KPNA5: variants seen among roughly 807,000 people sequenced by gnomAD.
KPNA5 encodes the protein importin subunit alpha-6.
In KPNA5, 46 loss-of-function variants were observed where a neutral mutation model predicts 71.3. That is an observed-to-expected ratio of 0.65 (90% CI 0.51 to 0.83). The LOEUF (loss-of-function observed/expected upper bound fraction) is 0.83. Among genes scored for constraint, KPNA5 ranks in the 40% least tolerant of loss-of-function variants. KPNA5 has a pLI of 0.00. For missense variants in KPNA5, 547 were observed against 628.3 expected (o/e 0.87, Z 1.38); for synonymous variants, 207 against 201.4 (o/e 1.03, Z -0.24).
Position 116,692,339 on chromosome 6 carries a change from A to C in KPNA5, c.287A>C (p.Asn96Thr), listed in dbSNP as rs769940045. The change falls in exon 4 of 14, where the codon AAT becomes ACT. Residue 96 changes from asparagine to threonine, a missense_variant. Asn to Thr is a moderately conservative substitution (Grantham distance 65, BLOSUM62 0). Transcript: ENST00000368564. ...ATGGTTCAGATGATTTTTTCTAATA[A>C]TGCTGATCAACAGCTAACAGCAACA... is the stretch of plus-strand genomic sequence containing the variant. ...TDMVQMIFSN[N>T]ADQQLTATQK... is the part of the protein sequence containing the mutation. The C allele has an allele frequency of 3.1e-6, 5 of 1,605,950 alleles. No homozygotes were observed. The highest frequency in any genetic ancestry group is 3.4e-6 in the Non-Finnish European group (4 of 1,177,728).
intron 8 of KPNA5, among the ~76,000 whole-genome samples, chr6:116,717,017 CAA>C (rs1778911837): frequency 1.3e-5 from 2 of 151,984 alleles, no homozygotes; most frequent in African/African-American, 2.4e-5. Context: ...GACACAAACT[CAA>C]GAGTTGAGAT....
At chr6:116,707,324 C>T (rs1038165119) in intron 7 of KPNA5, among the ~76,000 whole-genome samples, 5 of 152,136 alleles carry the variant, frequency 3.3e-5, no homozygotes, top group Non-Finnish European at 7.4e-5. Context: ...AAATGTAAAT[C>T]TTTTACTACT....
intron 2 of KPNA5, among the ~76,000 whole-genome samples, chr6:116,691,334 C>T (rs1400902554): frequency 1.3e-5 from 2 of 152,102 alleles, no homozygotes; most frequent in Admixed American, 6.6e-5. Flanking sequence ...GCCCAGGTTG[C>T]CCTCCAATTC....
chr6:116,724,179 T>G, intron 9 of KPNA5, 118 bp from the exon 10 acceptor site: 1 of 610,546 alleles, frequency 1.6e-6, no homozygotes. Context: ...GAATAATTAG[T>G]AAAACTTCAA....
intron 1 of KPNA5, chr6:116,681,600 G>C: frequency 2.6e-6 from 3 of 1,140,164 alleles, no homozygotes; most frequent in Non-Finnish European, 3.3e-6. Flanking sequence ...TGGGCAGCTG[G>C]TCTCATCTTC....
At chr6:116,710,849 A>T in intron 7 of KPNA5, among the ~76,000 whole-genome samples, 1 of 135,220 alleles carries the variant, frequency 7.4e-6, no homozygotes, top group African/African-American at 2.7e-5. Flanking sequence ...CTCTACTTTC[A>T]TTCTTAATTG....
chr6:116,699,664 T>G (rs964081583), intron 5 of KPNA5, among the ~76,000 whole-genome samples: 1 of 152,186 alleles, frequency 6.6e-6, no homozygotes, highest in Admixed American at 6.6e-5. Context: ...GAGGCTACTT[T>G]AGTCATGTTA....
intron 2 of KPNA5, among the ~76,000 whole-genome samples, chr6:116,690,429 C>T (rs1292080497): frequency 2.6e-5 from 4 of 151,886 alleles, no homozygotes; most frequent in African/African-American, 4.8e-5. Flanking sequence ...CTGAGGCGGG[C>T]GGATCACGAG....
chr6:116,699,478 A>G (rs1017411978), intron 5 of KPNA5, among the ~76,000 whole-genome samples: 2 of 152,196 alleles, frequency 1.3e-5, no homozygotes, highest in African/African-American at 4.8e-5. Flanking sequence ...TATAAATGCT[A>G]TTGTCAATAA....
rs1251893819 is a variant in KPNA5, at chr6:116,741,257, A to G, written c.*8934A>G. The G allele has an allele frequency of 6.6e-6, 1 of 152,130 alleles. No homozygotes were observed. The highest frequency in any genetic ancestry group is 1.9e-4 in the East Asian group (1 of 5,194). 9.4% of individuals were successfully genotyped at this position (152,130 alleles called of 1,614,324 possible). A position where few individuals can be genotyped will look rare whatever the true frequency, so the allele number is the denominator to read the frequency against. ...GAGAGGTGTGTTAAAATCTCCCAAG[A>G]TGATTGGTGGATTTTGAATTTTCCA... is the stretch of plus-strand genomic sequence containing the variant. On this transcript the variant is annotated 3_prime_UTR_variant, in exon 14 of 14. Transcript: ENST00000368564.
chr6:116,735,448 G>A lies in KPNA5; in HGVS notation c.*3125G>A, dbSNP rs1779638609. 6.6e-6 allele frequency: 1 copy of A among 151,552 alleles called. No individual in the cohort carries two copies. The highest frequency in any genetic ancestry group is 6.6e-5 in the Admixed American group (1 of 15,156). 9.4% of individuals were successfully genotyped at this position (151,552 alleles called of 1,614,324 possible). On this transcript the variant is annotated 3_prime_UTR_variant, in exon 14 of 14. Coordinates refer to ENST00000368564, the MANE Select transcript of KPNA5 (RefSeq NM_001366306.2). Reference sequence around the variant, plus strand: ...ATTCAGTTTAGTTTATAGCATTACTGTTTTATGAAATGTGACATTTTAGGA... The same window carrying A: ...ATTCAGTTTAGTTTATAGCATTACTATTTTATGAAATGTGACATTTTAGGA...
Position 116,716,335 on chromosome 6 carries a change from C to T in KPNA5, c.756+17C>T. On this transcript the variant is annotated intron_variant, in intron 8 of 13. Transcript: ENST00000368564. ...TTTAGTAAGGTATGAGTAAAATACACAAATTAAAATATTTGTTTCCATAAA... is the reference window on the plus strand; with the variant it reads ...TTTAGTAAGGTATGAGTAAAATACATAAATTAAAATATTTGTTTCCATAAA... 2 of 1,497,450 alleles carry T rather than the reference C, an allele frequency of 1.3e-6. No homozygotes were observed. Among genetic ancestry groups the T allele is most frequent in the Non-Finnish European group, 1.9e-6 (2 of 1,080,498 alleles). 92.8% of individuals were successfully genotyped at this position (1,497,450 alleles called of 1,614,324 possible). A position where few individuals can be genotyped will look rare whatever the true frequency, so the allele number is the denominator to read the frequency against.
rs1225153444 is a variant in KPNA5 at position 116,735,894 on chromosome 6, C to A, written c.*3571C>A. 1 of 151,594 alleles carries A rather than the reference C, an allele frequency of 6.6e-6. No individual in the cohort carries two copies. The highest frequency in any genetic ancestry group is 2.4e-5 in the African/African-American group (1 of 41,366). The allele number at this position is 151,594 out of a possible 1,614,324, so 9.4% of individuals were successfully genotyped here. ...AGTAATTACTAATGATTTAAACATG[C>A]CAATTAAAGTGCAGAGGTTATCAGT... is the stretch of plus-strand genomic sequence containing the variant. On this transcript the variant is annotated 3_prime_UTR_variant, in exon 14 of 14. Transcript: ENST00000368564.
In KPNA5 at chr6:116,726,618, A is replaced by G. The variant is rs1779300341; in HGVS notation, c.1249A>G (p.Ile417Val). Reference sequence around the variant, plus strand: ...AACATCAGGAGGTACTCCAGAGCAAATAAGGTATGATATAAACTTCTTAAT... The same window carrying G: ...AACATCAGGAGGTACTCCAGAGCAAGTAAGGTATGATATAAACTTCTTAAT... ...NATSGGTPEQ[I>V]RYLVALGCIK... is the part of the protein sequence containing the mutation. Residue 417 changes from isoleucine (I) to valine (V), a missense_variant, in exon 12 of 14, where the codon ATA (isoleucine) becomes GTA (valine). By Grantham distance (29) the Ile-to-Val change is conservative. Coordinates refer to ENST00000368564, the MANE Select transcript of KPNA5 (RefSeq NM_001366306.2). The G allele has an allele frequency of 6.3e-7, 1 of 1,593,188 alleles. No homozygotes were observed. Among genetic ancestry groups the G allele is most frequent in the African/African-American group, 1.4e-5 (1 of 73,718 alleles).
intron 5 of KPNA5, among the ~76,000 whole-genome samples, chr6:116,701,790 GTTC>G (rs2114410871): frequency 6.6e-6 from 1 of 152,148 alleles, no homozygotes; most frequent in African/African-American, 2.4e-5. Flanking sequence ...ATTTTTCTCA[GTTC>G]TTATTTTTCC....
chr6:116,708,065 T>C (rs533175764), intron 7 of KPNA5, among the ~76,000 whole-genome samples: 1 of 152,366 alleles, frequency 6.6e-6, no homozygotes, highest in South Asian at 2.1e-4. Flanking sequence ...TTCATCCATA[T>C]TATAGTGAAT....
At chr6:116,721,518 G>A (rs6568964) in intron 8 of KPNA5, among the ~76,000 whole-genome samples, 42,396 of 151,764 alleles carry the variant, frequency 0.28, 6,676 homozygotes, top group African/African-American at 0.43. Flanking sequence ...TAAAAAAACA[G>A]CTTTAAGGAA....
rs1778393553 is a variant in KPNA5, at chr6:116,705,178, A to G, written c.656+18A>G. The G allele has an allele frequency of 1.3e-6, 2 of 1,528,458 alleles. No individual in the cohort carries two copies. Among genetic ancestry groups the G allele is most frequent in the African/African-American group, 2.7e-5 (2 of 72,948 alleles). 94.7% of individuals were successfully genotyped at this position (1,528,458 alleles called of 1,614,324 possible). ...CTTTTAGAGTAAGTACTTTATCACA[A>G]TTAAGTATATATCAAAAACTATATA... On this transcript the variant is annotated intron_variant, in intron 7 of 13. Transcript: ENST00000368564.
chr6:116,740,726 C>G lies in KPNA5; in HGVS notation c.*8403C>G, dbSNP rs1044587250. On this transcript the variant is annotated 3_prime_UTR_variant, in exon 14 of 14. Coordinates refer to ENST00000368564, the MANE Select transcript of KPNA5 (RefSeq NM_001366306.2). ...GGATGAAATTGGAAATCATCCTTCT[C>G]AGTAAGCTATCGCAAGAACAAAAAA... 6.6e-6 allele frequency: 1 copy of G among 151,842 alleles called. No individual in the cohort carries two copies. The highest frequency in any genetic ancestry group is 1.5e-5 in the Non-Finnish European group (1 of 68,040). The allele number at this position is 151,842 out of a possible 1,614,324, so 9.4% of individuals were successfully genotyped here.
Sources: gnomAD v4.1 joint callset for allele counts (sites outside exome capture counted in the v4.1 genomes callset) on GRCh38, gnomAD v4.1.1 for gene constraint, MANE v1.5 for transcripts, NCBI Gene and HGNC (gene_info 2026-07-23, HGNC 2026-07-21) for gene names.